The following ELAVL2 variants were observed in gnomAD, a reference collection of about 807,000 sequenced individuals.
ELAVL2 encodes ELAV like RNA binding protein 2, also known as ELAV-like protein 2.
ELAVL2 carries 4 observed loss-of-function variants against 34.6 expected under a neutral mutation model. That is an observed-to-expected ratio of 0.12 (90% CI 0.06 to 0.26). The LOEUF is 0.26. Among genes scored for constraint, ELAVL2 ranks in the 10% least tolerant of loss-of-function variants. The pLI, the probability that ELAVL2 is intolerant of heterozygous loss-of-function variation, is 1.00. For synonymous variants in ELAVL2, 193 were observed against 154.8 expected (o/e 1.25, Z -1.83); for missense variants, 432 against 442.8 (o/e 0.98, Z 0.22).
intron 1 of ELAVL2, among the ~76,000 whole-genome samples, chr9:23,812,138 T>A (rs1312833379): frequency 1.3e-5 from 2 of 152,010 alleles, no homozygotes; most frequent in East Asian, 3.9e-4. Context: ...TTTTAAGTTA[T>A]CATTTTCTGC....
At chr9:23,717,631 A>G (rs2042648174) in intron 3 of ELAVL2, among the ~76,000 whole-genome samples, 1 of 152,136 alleles carries the variant, frequency 6.6e-6, no homozygotes, top group African/African-American at 2.4e-5. Context: ...AGCTTGTAAA[A>G]CACCATCAAC....
chr9:23,714,240 G>A (rs902144217), intron 3 of ELAVL2, among the ~76,000 whole-genome samples: 43 of 152,158 alleles, frequency 2.8e-4, no homozygotes, highest in African/African-American at 9.9e-4. Flanking sequence ...AAAAACTCAA[G>A]GAATACTATT....
At chr9:23,721,021 C>T (rs562817380) in intron 3 of ELAVL2, among the ~76,000 whole-genome samples, 1 of 152,320 alleles carries the variant, frequency 6.6e-6, no homozygotes, top group East Asian at 1.9e-4. Context: ...ATCCTCAAAA[C>T]TCTGGGCATA....
chr9:23,808,169 A>T (rs989629416), intron 1 of ELAVL2, among the ~76,000 whole-genome samples: 3 of 152,186 alleles, frequency 2.0e-5, no homozygotes, highest in Non-Finnish European at 4.4e-5. Context: ...AGTAAAAATA[A>T]GGTAGCTAGG....
At chr9:23,804,176 T>A (rs1486294381) in intron 1 of ELAVL2, among the ~76,000 whole-genome samples, 11 of 148,436 alleles carry the variant, frequency 7.4e-5, no homozygotes, top group South Asian at 4.3e-4. Context: ...TTTATTTATT[T>A]ATTTATTTTT....
At chr9:23,760,626 T>C (rs2054753927) in intron 2 of ELAVL2, among the ~76,000 whole-genome samples, 1 of 152,070 alleles carries the variant, frequency 6.6e-6, no homozygotes, top group South Asian at 2.1e-4. Flanking sequence ...ATCACACTCA[T>C]TTTGGAAAAG....
chr9:23,796,655 A>G (rs1467424861), intron 1 of ELAVL2, among the ~76,000 whole-genome samples: 1 of 152,244 alleles, frequency 6.6e-6, no homozygotes, highest in Non-Finnish European at 1.5e-5. Context: ...CACCATCCTT[A>G]CGGAGAGCCT....
At chr9:23,787,965 A>C (rs1039047834) in intron 1 of ELAVL2, among the ~76,000 whole-genome samples, 1 of 152,304 alleles carries the variant, frequency 6.6e-6, no homozygotes, top group East Asian at 1.9e-4. Context: ...AACTTCAGGG[A>C]AAGTCTGAAC....
chr9:23,727,847 A>T (rs1283523206), intron 3 of ELAVL2, among the ~76,000 whole-genome samples: 1 of 152,100 alleles, frequency 6.6e-6, no homozygotes, highest in African/African-American at 2.4e-5. Flanking sequence ...TAATGCTATT[A>T]GGGAGCCCCA....
chr9:23,691,623 T>A lies in ELAVL2; in HGVS notation c.*934A>T, dbSNP rs975710690. ...ATCACAAATCAATGTGAGCCACCTA[T>A]CACATAATAACCAGGATGATCAGAC... On this transcript the variant is annotated 3_prime_UTR_variant, in exon 7 of 7. Transcript: ENST00000397312. The A allele has an allele frequency of 6.6e-6, 1 of 152,516 alleles. No individual in the cohort carries two copies. Among genetic ancestry groups the A allele is most frequent in the African/African-American group, 2.4e-5 (1 of 41,426 alleles). The allele number at this position is 152,516 out of a possible 1,614,324, so 9.4% of individuals were successfully genotyped here.
At chr9:23,747,660 C>T (rs1588047805) in intron 2 of ELAVL2, among the ~76,000 whole-genome samples, 1 of 152,170 alleles carries the variant, frequency 6.6e-6, no homozygotes, top group African/African-American at 2.4e-5. Flanking sequence ...GCAAAGTAGG[C>T]AGTGGGGATA....
chr9:23,770,351 G>A (rs1394831779), intron 1 of ELAVL2, among the ~76,000 whole-genome samples: 1 of 152,182 alleles, frequency 6.6e-6, no homozygotes, highest in Non-Finnish European at 1.5e-5. Flanking sequence ...GCTGGCTGCT[G>A]TGATAGGAAG....
intron 1 of ELAVL2, among the ~76,000 whole-genome samples, chr9:23,804,874 A>G (rs927333143): frequency 6.6e-6 from 1 of 152,236 alleles, no homozygotes; most frequent in Non-Finnish European, 1.5e-5. Context: ...TTCTGAATGT[A>G]TATGAAATGA....
chr9:23,714,188 C>T (rs1014241501), intron 3 of ELAVL2, among the ~76,000 whole-genome samples: 1 of 152,072 alleles, frequency 6.6e-6, no homozygotes, highest in Admixed American at 6.6e-5. Flanking sequence ...ATTGCTCCTC[C>T]CAATAAGTTT....
intron 1 of ELAVL2, among the ~76,000 whole-genome samples, chr9:23,807,818 C>G (rs1449861946): frequency 6.6e-6 from 1 of 152,134 alleles, no homozygotes. Flanking sequence ...GTTATTTAAA[C>G]AAATACTGAT....
chr9:23,839,209 T>C, the ELAVL2 span, among the ~76,000 whole-genome samples: 6 of 152,120 alleles, frequency 3.9e-5, no homozygotes, highest in Admixed American at 1.3e-4. Context: ...TGTATTTTAA[T>C]GTGTTCTGTT....
At chr9:23,731,258 T>C in intron 2 of ELAVL2, 133 bp from the exon 3 acceptor site, 1 of 655,066 alleles carries the variant, frequency 1.5e-6, no homozygotes, top group Non-Finnish European at 2.4e-6. Flanking sequence ...TCTCTATTAA[T>C]TCTAGAAATA....
At chr9:23,774,235 A>AAAAGAAAGAAAG (rs1202748312) in intron 1 of ELAVL2, among the ~76,000 whole-genome samples, 1 of 132,316 alleles carries the variant, frequency 7.6e-6, no homozygotes, top group African/African-American at 3.2e-5. Context: ...AAAAAAAAAA[A>AAAAGAAAGAAAG]AAAGAAAGAA....
chr9:23,815,629 T>A (rs1305681380), intron 1 of ELAVL2, among the ~76,000 whole-genome samples: 1 of 152,160 alleles, frequency 6.6e-6, no homozygotes. Flanking sequence ...TACGTGGTCC[T>A]TGAGATGGGG....
Sources: allele counts gnomAD v4.1 joint callset (sites outside exome capture counted in the v4.1 genomes callset), GRCh38; gene constraint gnomAD v4.1.1; transcripts MANE v1.5; gene names NCBI Gene and HGNC (gene_info 2026-07-23, HGNC 2026-07-21).